The following HDAC9 variants were observed in gnomAD, a reference collection of about 807,000 sequenced individuals.
HDAC9 encodes MEF-2 interacting transcription repressor (MITR) protein.
In HDAC9, 41 loss-of-function variants were observed where a neutral mutation model predicts 139.4. The observed-to-expected ratio is 0.29, with a 90% confidence interval of 0.23 to 0.38. The LOEUF (loss-of-function observed/expected upper bound fraction) is 0.38. Ranked by LOEUF, HDAC9 falls within the 10% of genes least tolerant of loss-of-function variation. The probability of loss-of-function intolerance (pLI) is 1.00; values close to 1 mark genes in which losing one functional copy is unlikely to be tolerated. For synonymous variants in HDAC9, 517 were observed against 476.2 expected (o/e 1.09, Z -1.12); for missense variants, 1,147 against 1,297.0 (o/e 0.88, Z 1.78).
intron 1 of HDAC9, among the ~76,000 whole-genome samples, chr7:18,374,002 T>G (rs1784788851): frequency 6.6e-6 from 1 of 152,058 alleles, no homozygotes; most frequent in Non-Finnish European, 1.5e-5. Flanking sequence ...TACAATATGG[T>G]GAATATAAAA....
At chr7:18,446,771 G>A (rs200659760) in intron 1 of HDAC9, among the ~76,000 whole-genome samples, 5,317 of 151,726 alleles carry the variant, frequency 0.035, 113 homozygotes, top group African/African-American at 0.066. Context: ...TGCATTTTTT[G>A]AAAAAAACTT....
intron 1 of HDAC9, among the ~76,000 whole-genome samples, chr7:18,464,147 A>C (rs1454024696): frequency 6.6e-6 from 1 of 151,942 alleles, no homozygotes; most frequent in Non-Finnish European, 1.5e-5. Context: ...TGCTAATTTA[A>C]CTACACTGGT....
intron 17 of HDAC9, among the ~76,000 whole-genome samples, chr7:18,825,242 C>A (rs1795331106): frequency 6.6e-6 from 1 of 151,990 alleles, no homozygotes; most frequent in African/African-American, 2.4e-5. Flanking sequence ...GGTGGCCTTG[C>A]CTAGGAGGTA....
intron 1 of HDAC9, among the ~76,000 whole-genome samples, chr7:18,450,254 A>G (rs1792691026): frequency 6.6e-6 from 1 of 152,250 alleles, no homozygotes; most frequent in Non-Finnish European, 1.5e-5. Flanking sequence ...CTGACACTAA[A>G]TGGTACATAA....
At chr7:18,260,314 T>C (rs1253167895) in intron 2 of HDAC9, among the ~76,000 whole-genome samples, 5 of 132,530 alleles carry the variant, frequency 3.8e-5, no homozygotes, top group Non-Finnish European at 4.9e-5. Flanking sequence ...TTTTTTTGTT[T>C]TTTTTTTTGT....
In HDAC9 at chr7:18,975,928, C is replaced by G. The variant is rs753935684; in HGVS notation, c.3145C>G (p.Gln1049Glu). The G allele has an allele frequency of 6.2e-7, 1 of 1,613,768 alleles. No individual in the cohort carries two copies. Among genetic ancestry groups the G allele is most frequent in the Non-Finnish European group, 8.5e-7 (1 of 1,179,790 alleles). ...GGCCTCCCTAACAGTGGATGTGGAA[C>G]AGCCCTTTGCTCAGGAAGACAGCAG... is the stretch of plus-strand genomic sequence containing the variant. ...ALASLTVDVE[Q>E]PFAQEDSRTA... is the part of the protein sequence containing the mutation. The change falls in exon 25 of 26, where the codon CAG becomes GAG. Residue 1049 changes from glutamine (Q) to glutamate (E), a missense_variant. Coordinates refer to ENST00000686413, the MANE Select transcript of HDAC9 (RefSeq NM_178425.4).
At position 18,599,938 on chromosome 7, in the gene HDAC9, G is replaced by T. The variant is rs576011963; in HGVS notation, c.664+5909G>T. 3.3e-5 allele frequency among the ~76,000 whole-genome samples: 5 copies of T among 151,558 alleles called. No homozygotes were observed. The South Asian group carries it at 6.3e-4, about 19-fold the overall frequency. On this transcript the variant is annotated intron_variant, in intron 6 of 25. Coordinates refer to ENST00000686413, the MANE Select transcript of HDAC9 (RefSeq NM_178425.4). ...CCACTAGCAATATAACAGAGTTCCT[G>T]TTGCTCCACATACTTGTTAGCACTT...
chr7:18,991,580 T>C (rs10233651), intron 25 of HDAC9, among the ~76,000 whole-genome samples: 1 of 150,746 alleles, frequency 6.6e-6, no homozygotes, highest in Non-Finnish European at 1.5e-5. Context: ...GAGCTTGCAG[T>C]GAGCGGAGAT....
intron 2 of HDAC9, among the ~76,000 whole-genome samples, chr7:18,276,800 C>T (rs1796753599): frequency 6.6e-6 from 1 of 152,154 alleles, no homozygotes; most frequent in South Asian, 2.1e-4. Context: ...TCATTTTAGC[C>T]TGTCTAATAT....
At chr7:18,361,774 C>T (rs941130192) in intron 1 of HDAC9, among the ~76,000 whole-genome samples, 2 of 151,180 alleles carry the variant, frequency 1.3e-5, no homozygotes, top group African/African-American at 2.4e-5. Context: ...CCATAGTCCA[C>T]AAAACACTTT....
intron 2 of HDAC9, chr7:18,496,604 T>A (rs1224123351): frequency 4.8e-6 from 2 of 419,136 alleles, no homozygotes; most frequent in East Asian, 8.0e-5. Flanking sequence ...GGGGGTGTTT[T>A]GCCTTTACTA....
At chr7:18,598,715 G>T (rs1342112738) in intron 6 of HDAC9, among the ~76,000 whole-genome samples, 1 of 152,110 alleles carries the variant, frequency 6.6e-6, no homozygotes, top group African/African-American at 2.4e-5. Context: ...GTTGTAGAAG[G>T]TCTTTTTAAT....
At chr7:18,862,575 T>G (rs575615395) in intron 21 of HDAC9, among the ~76,000 whole-genome samples, 1 of 152,178 alleles carries the variant, frequency 6.6e-6, no homozygotes, top group Non-Finnish European at 1.5e-5. Context: ...TTTAACCCCC[T>G]TTTTGAAGAC....
At chr7:18,766,037 A>G (rs182797310) in intron 15 of HDAC9, among the ~76,000 whole-genome samples, 26 of 152,316 alleles carry the variant, frequency 1.7e-4, no homozygotes, top group Admixed American at 1.4e-3. Flanking sequence ...TTCTGTGACA[A>G]TAAAAGCTAT....
intron 1 of HDAC9, among the ~76,000 whole-genome samples, chr7:18,413,253 C>T (rs992949500): frequency 3.9e-5 from 6 of 152,256 alleles, no homozygotes; most frequent in East Asian, 1.9e-4. Flanking sequence ...GAAGCCCAGA[C>T]GTCTCAGTTT....
intron 5 of HDAC9, among the ~76,000 whole-genome samples, chr7:18,593,410 A>T (rs11762171): frequency 3.3e-5 from 5 of 152,084 alleles, no homozygotes; most frequent in African/African-American, 1.2e-4. Flanking sequence ...AAACTGCCCC[A>T]GAAGTCAGGA....
At chr7:18,112,763 AGTT>A (rs1295860412) in intron 1 of HDAC9, among the ~76,000 whole-genome samples, 2 of 152,218 alleles carry the variant, frequency 1.3e-5, no homozygotes, top group Non-Finnish European at 2.9e-5. Context: ...GATGAGAGCC[AGTT>A]GTTAACATTT....
chr7:18,296,922 T>G (rs563275230), intron 1 of HDAC9, among the ~76,000 whole-genome samples: 2 of 152,282 alleles, frequency 1.3e-5, no homozygotes. Flanking sequence ...GCACACAGGC[T>G]GAGACAGACT....
At chr7:18,983,742 C>T (rs1785112007) in intron 25 of HDAC9, among the ~76,000 whole-genome samples, 1 of 152,174 alleles carries the variant, frequency 6.6e-6, no homozygotes, top group South Asian at 2.1e-4. Context: ...ATCATAGCCT[C>T]ACCTACACTT....
Sources: allele counts gnomAD v4.1 joint callset (sites outside exome capture counted in the v4.1 genomes callset), GRCh38; gene constraint gnomAD v4.1.1; transcripts MANE v1.5; gene names NCBI Gene and HGNC (gene_info 2026-07-23, HGNC 2026-07-21).